The following TPCN1 variants were observed in gnomAD, a reference collection of about 807,000 sequenced individuals.
TPCN1 encodes two pore segment channel 1, also known as two pore channel protein 1.
TPCN1 carries 52 observed loss-of-function variants against 108.8 expected under a neutral mutation model. The observed-to-expected ratio is 0.48, with a 90% CI of 0.38 to 0.60. TPCN1 has a LOEUF of 0.60. TPCN1 is among the 20% of genes least tolerant of loss of function. The pLI, the probability that TPCN1 is intolerant of heterozygous loss-of-function variation, is 0.00. For missense variants in TPCN1, 806 were observed against 1,072.8 expected (o/e 0.75, Z 3.47); for synonymous variants, 446 against 433.7 (o/e 1.03, Z -0.35).
chr12:113,241,793 T>TGTGTGTGTGTGTGTGTGTGC (rs776600301), intron 2 of TPCN1, among the ~76,000 whole-genome samples: 42 of 150,544 alleles, frequency 2.8e-4, no homozygotes, highest in Middle Eastern at 3.4e-3. Context: ...TGTGTGTGTG[T>TGTGTGTGTGTGTGTGTGTGC]GCGTGTGTGT....
chr12:113,241,457 C>A (rs1178990595), intron 2 of TPCN1, among the ~76,000 whole-genome samples: 3 of 152,228 alleles, frequency 2.0e-5, no homozygotes, highest in Non-Finnish European at 2.9e-5. Flanking sequence ...CTAGAGCGGA[C>A]TTTTGATCTG....
intron 2 of TPCN1, chr12:113,249,969 C>T (rs1016478392): frequency 6.6e-6 from 1 of 152,226 alleles, no homozygotes; most frequent in Admixed American, 6.5e-5. Flanking sequence ...TGATGGTATC[C>T]ACCTCCTAAG....
intron 3 of TPCN1, among the ~76,000 whole-genome samples, chr12:113,263,292 C>G (rs1235466820): frequency 2.6e-5 from 4 of 152,210 alleles, no homozygotes; most frequent in African/African-American, 9.7e-5. Flanking sequence ...GAGACAGACT[C>G]TCACTCCGTT....
At chr12:113,277,115 C>G in intron 11 of TPCN1, 80 bp downstream of exon 11, 2 of 1,596,152 alleles carry the variant, frequency 1.3e-6, no homozygotes, top group Non-Finnish European at 1.7e-6. Context: ...ATGGCCAGGC[C>G]AGCCACTTTA....
intron 27 of TPCN1, among the ~76,000 whole-genome samples, chr12:113,293,906 A>T (rs1015828603): frequency 1.3e-5 from 2 of 151,990 alleles, no homozygotes; most frequent in Non-Finnish European, 2.9e-5. Flanking sequence ...AGCACGATCT[A>T]GGCTCACTGC....
intron 23 of TPCN1, 125 bp from the exon 24 acceptor site, chr12:113,291,484 T>A: frequency 1.2e-6 from 1 of 802,118 alleles, no homozygotes; most frequent in Non-Finnish European, 2.0e-6. Context: ...CTCTCCTCCA[T>A]CTCTCACAAC....
Position 113,296,449 on chromosome 12 carries a change from A to C in TPCN1, c.*373A>C. On this transcript the variant is annotated 3_prime_UTR_variant, in exon 28 of 28. Transcript: ENST00000335509. Reference sequence around the variant, plus strand: ...GTCACTGCTACTGCTTCAGGCTCACATCCCCCCGACCTGATGGCGTGCCCG... The same window carrying C: ...GTCACTGCTACTGCTTCAGGCTCACCTCCCCCCGACCTGATGGCGTGCCCG... 3 of 214,662 alleles carry C rather than the reference A, an allele frequency of 1.4e-5. No homozygotes were observed. Among genetic ancestry groups the C allele is most frequent in the Non-Finnish European group, 1.9e-5 (2 of 107,582 alleles). The allele number at this position is 214,662 out of a possible 1,614,324, so 13.3% of individuals were successfully genotyped here.
chr12:113,224,466 G>A (rs999641298), intron 1 of TPCN1, among the ~76,000 whole-genome samples: 7 of 151,890 alleles, frequency 4.6e-5, no homozygotes, highest in Non-Finnish European at 1.0e-4. Flanking sequence ...GTGCAATCTC[G>A]GCTCACTGCA....
rs954732772 is a variant in TPCN1, at chr12:113,232,395, G to T, written c.112+5431G>T. On this transcript the variant is annotated intron_variant, in intron 2 of 27. Transcript: ENST00000335509. This position sits in a 1 kb window ranked among gnomAD's most constrained non-coding sequence, Gnocchi z 5.6. ...TTGGCACCAGGCTCAGTCAAGGTGG[G>T]CCAGAGCTGTTGGCCGCAGGGCCGC... Among the ~76,000 whole-genome samples, 1 of 152,268 alleles carries T rather than the reference G, an allele frequency of 6.6e-6. No homozygotes were observed. Among genetic ancestry groups the T allele is most frequent in the Non-Finnish European group, 1.5e-5 (1 of 68,044 alleles).
rs754739847 is a variant in TPCN1, at chr12:113,266,250, C to T, written c.308C>T (p.Ala103Val). ...AAGGCGCTGGCGGCCTACCTCTTTG[C>T]ACACAATCACCTCTTCTACCTGATG... ...DAKALAAYLFAHNHLFYLMEL... is the reference protein window; with the variant it reads ...DAKALAAYLFVHNHLFYLMEL... The change falls in exon 4 of 28, where the codon GCA becomes GTA. Residue 103 changes from alanine to valine, a missense_variant. Physicochemically the swap from Ala to Val is moderately conservative, Grantham distance 64. Transcript: ENST00000335509. The surrounding 1 kb of genome is among the most constrained non-coding windows in gnomAD (Gnocchi z 4.2). The T allele has an allele frequency of 6.8e-6, 11 of 1,614,144 alleles. No homozygotes were observed. The Admixed American group carries it at 1.8e-4, about 27-fold the overall frequency.
At chr12:113,249,620 C>A (rs903143756) in intron 2 of TPCN1, 1 of 152,280 alleles carries the variant, frequency 6.6e-6, no homozygotes, top group African/African-American at 2.4e-5. Flanking sequence ...AGGAGAGCTA[C>A]GCAGCAGCGC....
At chr12:113,253,269 A>G (rs945340425) in intron 2 of TPCN1, among the ~76,000 whole-genome samples, 6 of 152,236 alleles carry the variant, frequency 3.9e-5, no homozygotes, top group Admixed American at 2.0e-4. Flanking sequence ...ATCTGTTGAT[A>G]ATAATATTAC....
intron 17 of TPCN1, among the ~76,000 whole-genome samples, chr12:113,285,546 T>C (rs555238068): frequency 3.3e-5 from 5 of 152,306 alleles, no homozygotes; most frequent in African/African-American, 9.6e-5. Context: ...TGGCTAATTT[T>C]TGTATTTTTT....
intron 2 of TPCN1, among the ~76,000 whole-genome samples, chr12:113,259,846 A>G (rs1307171279): frequency 6.6e-6 from 1 of 152,236 alleles, no homozygotes; most frequent in Non-Finnish European, 1.5e-5. Context: ...CAGATGGCCC[A>G]GTGTTGCTGG....
chr12:113,233,404 C>T (rs1953766528), intron 2 of TPCN1, among the ~76,000 whole-genome samples: 1 of 152,222 alleles, frequency 6.6e-6, no homozygotes, highest in South Asian at 2.1e-4. Flanking sequence ...TTGGATGGCT[C>T]ACAGCAGCGT....
In TPCN1 at chr12:113,264,441, G is replaced by A. The variant is rs771836338; in HGVS notation, c.238-1739G>A. Among the ~76,000 whole-genome samples the A allele has an allele frequency of 1.3e-4, 20 of 152,202 alleles. 1 individual carries two copies. Among genetic ancestry groups the A allele is most frequent in the Admixed American group, 2.6e-4 (4 of 15,280 alleles). Reference sequence around the variant, plus strand: ...CACCTGTAATCCCAGCACTTTGGGAGGCTGAGGTGGGCAGATCACTTGAGC... The same window carrying A: ...CACCTGTAATCCCAGCACTTTGGGAAGCTGAGGTGGGCAGATCACTTGAGC... On this transcript the variant is annotated intron_variant, in intron 3 of 27. Transcript: ENST00000335509.
chr12:113,262,935 T>C (rs948756233), intron 3 of TPCN1, among the ~76,000 whole-genome samples: 1 of 152,222 alleles, frequency 6.6e-6, no homozygotes, highest in Non-Finnish European at 1.5e-5. Flanking sequence ...TGTGTGCTAT[T>C]GCATCACTTA....
intron 2 of TPCN1, among the ~76,000 whole-genome samples, chr12:113,254,384 T>G (rs917777481): frequency 1.2e-4 from 19 of 152,178 alleles, no homozygotes; most frequent in African/African-American, 4.6e-4. Flanking sequence ...GAAAGAAACC[T>G]CGGACCAACA....
chr12:113,288,281 C>T lies in TPCN1; in HGVS notation c.1706+47C>T. 1 of 1,612,226 alleles carries T rather than the reference C, an allele frequency of 6.2e-7. No individual in the cohort carries two copies. The highest frequency in any genetic ancestry group is 8.5e-7 in the Non-Finnish European group (1 of 1,179,478). Reference sequence around the variant, plus strand: ...GCCTGCAGGTCCAGGTGCCGTGTGGCAGTGCCCCGTGGGGGCGGGAGCCGA... The same window carrying T: ...GCCTGCAGGTCCAGGTGCCGTGTGGTAGTGCCCCGTGGGGGCGGGAGCCGA... On this transcript the variant is annotated intron_variant, in intron 20 of 27. Coordinates refer to ENST00000335509, the MANE Select transcript of TPCN1 (RefSeq NM_017901.6). The surrounding 1 kb of genome is among the most constrained non-coding windows in gnomAD (Gnocchi z 4.8).
Sources: allele counts gnomAD v4.1 joint callset (sites outside exome capture counted in the v4.1 genomes callset), GRCh38; gene constraint gnomAD v4.1.1; non-coding constraint Gnocchi (gnomAD v3.1); transcripts MANE v1.5; gene names NCBI Gene and HGNC (gene_info 2026-07-23, HGNC 2026-07-21).